Variants in SLC13A1 observed in about 807,000 individuals in gnomAD.
The protein encoded by SLC13A1 is solute carrier family 13 member 1, also known as Na(+)/sulfate cotransporter.
SLC13A1 carries 65 observed loss-of-function variants against 70.0 expected under a neutral mutation model. The ratio of observed to expected loss-of-function variants is 0.93; its 90% CI spans 0.76 to 1.14. The LOEUF (loss-of-function observed/expected upper bound fraction) is 1.14, where lower values mean the gene tolerates loss of function less well. Among genes scored for constraint, SLC13A1 ranks in the 50% most tolerant of loss-of-function variants. The pLI is 0.00. For missense variants in SLC13A1, 726 were observed against 717.8 expected (o/e 1.01, Z -0.13); for synonymous variants, 275 against 250.5 (o/e 1.10, Z -0.92).
chr7:123,151,071 C>T (rs1294625019), intron 6 of SLC13A1, among the ~76,000 whole-genome samples: 1 of 152,060 alleles, frequency 6.6e-6, no homozygotes, highest in Non-Finnish European at 1.5e-5. Flanking sequence ...TTCCTGGAAT[C>T]TCAGCACTTT....
intron 6 of SLC13A1, among the ~76,000 whole-genome samples, chr7:123,150,055 T>C (rs10258700): frequency 0.22 from 34,197 of 152,136 alleles, 4,657 homozygotes; most frequent in East Asian, 0.35. Context: ...AAAAATTACA[T>C]GCACAGTAGA....
chr7:123,177,540 C>T (rs1384613788), intron 2 of SLC13A1, among the ~76,000 whole-genome samples: 1 of 152,114 alleles, frequency 6.6e-6, no homozygotes, highest in Non-Finnish European at 1.5e-5. Context: ...TCCATTGCCT[C>T]ATTACATTAT....
At position 123,191,211 on chromosome 7, in the gene SLC13A1, G is replaced by A. The variant is rs73217789; in HGVS notation, c.99+8637C>T. 8.8e-3 allele frequency among the ~76,000 whole-genome samples: 1,334 copies of A among 152,244 alleles called. 5 individuals carry two copies. The highest frequency in any genetic ancestry group is 0.012 in the Admixed American group (180 of 15,300). ...TTCTTGCCAGCATAACATGGATCCA[G>A]TCATCTAGCTGAGTTGGGTAGTATG... On this transcript the variant is annotated intron_variant, in intron 1 of 14. Coordinates refer to ENST00000194130, the MANE Select transcript of SLC13A1 (RefSeq NM_022444.4).
At chr7:123,142,201 G>T (rs1165347045) in intron 7 of SLC13A1, among the ~76,000 whole-genome samples, 1 of 152,056 alleles carries the variant, frequency 6.6e-6, no homozygotes, top group Non-Finnish European at 1.5e-5. Flanking sequence ...GGCAGTGAAA[G>T]CTCACCCCGT....
intron 2 of SLC13A1, among the ~76,000 whole-genome samples, chr7:123,175,219 A>T (rs1244490077): frequency 6.6e-6 from 1 of 152,174 alleles, no homozygotes; most frequent in African/African-American, 2.4e-5. Context: ...GCAATAAAGT[A>T]TTATAGATGC....
At chr7:123,174,345 C>A (rs1795377702) in intron 2 of SLC13A1, among the ~76,000 whole-genome samples, 1 of 152,128 alleles carries the variant, frequency 6.6e-6, no homozygotes, top group South Asian at 2.1e-4. Flanking sequence ...AATGACACTT[C>A]TCATTTTCTC....
intron 1 of SLC13A1, among the ~76,000 whole-genome samples, chr7:123,189,284 A>C (rs1331783535): frequency 6.6e-6 from 1 of 151,756 alleles, no homozygotes; most frequent in African/African-American, 2.4e-5. Context: ...AAATTGAATG[A>C]GCTCATTTTT....
In SLC13A1 at chr7:123,196,943, A is replaced by T. The variant is rs17145527; in HGVS notation, c.99+2905T>A. Reference sequence around the variant, plus strand: ...TAGAGCATGTAGATGGCCTTTGGTGAGTTACATGTCTCTGAGCATCAATTC... The same window carrying T: ...TAGAGCATGTAGATGGCCTTTGGTGTGTTACATGTCTCTGAGCATCAATTC... On this transcript the variant is annotated intron_variant, in intron 1 of 14. Transcript: ENST00000194130. Among the ~76,000 whole-genome samples the T allele has an allele frequency of 7.1e-3, 1,082 of 152,262 alleles. 14 individuals are homozygous for T. Among genetic ancestry groups the T allele is most frequent in the African/African-American group, 0.024 (1,017 of 41,570 alleles).
chr7:123,194,052 G>A (rs924919700), intron 1 of SLC13A1, among the ~76,000 whole-genome samples: 7 of 152,126 alleles, frequency 4.6e-5, no homozygotes, highest in African/African-American at 1.7e-4. Context: ...CTATGTGACA[G>A]GCACTGGGTT....
chr7:123,184,847 A>C (rs781248673), intron 1 of SLC13A1, among the ~76,000 whole-genome samples: 11 of 152,026 alleles, frequency 7.2e-5, no homozygotes, highest in African/African-American at 1.2e-4. Context: ...CAGTAATGAC[A>C]TTGCTGGATC....
intron 1 of SLC13A1, among the ~76,000 whole-genome samples, chr7:123,190,241 C>T (rs1795950710): frequency 6.6e-6 from 1 of 152,108 alleles, no homozygotes; most frequent in Non-Finnish European, 1.5e-5. Flanking sequence ...AGGCATCTTG[C>T]TGATACTACA....
rs111391524 is a variant in SLC13A1, at chr7:123,117,804, A to T, written c.1513-196T>A. 3.3e-3 allele frequency among the ~76,000 whole-genome samples: 506 copies of T among 152,140 alleles called. 1 individual carries two copies. Among genetic ancestry groups the T allele is most frequent in the African/African-American group, 0.012 (478 of 41,536 alleles). ...ATCCTCTTGTTGTTGATACAGTTAC[A>T]GATGCCCACTTAAACATTACAGTCC... is the stretch of plus-strand genomic sequence containing the variant. On this transcript the variant is annotated intron_variant, in intron 13 of 14. Transcript: ENST00000194130.
chr7:123,186,755 A>T (rs1795815179), intron 1 of SLC13A1: 1 of 455,932 alleles, frequency 2.2e-6, no homozygotes, highest in Non-Finnish European at 4.4e-6. Flanking sequence ...TTACTCTGCA[A>T]CCGTAACAAG....
At chr7:123,176,370 T>C (rs897355412) in intron 2 of SLC13A1, among the ~76,000 whole-genome samples, 2 of 152,164 alleles carry the variant, frequency 1.3e-5, no homozygotes, top group African/African-American at 4.8e-5. Flanking sequence ...AATATAACTA[T>C]TCTCAAGGCA....
At chr7:123,164,453 A>G (rs1159411053) in intron 6 of SLC13A1, among the ~76,000 whole-genome samples, 1 of 151,862 alleles carries the variant, frequency 6.6e-6, no homozygotes, top group Non-Finnish European at 1.5e-5. Context: ...TAAAATCTTT[A>G]GTTTTGTACT....
At chr7:123,174,586 G>C (rs992058202) in intron 2 of SLC13A1, among the ~76,000 whole-genome samples, 1 of 151,926 alleles carries the variant, frequency 6.6e-6, no homozygotes, top group Non-Finnish European at 1.5e-5. Flanking sequence ...CTGTATGATC[G>C]ATCTTTTTCT....
At chr7:123,171,582 G>GC (rs1554552107) in intron 3 of SLC13A1, among the ~76,000 whole-genome samples, 186 bp downstream of exon 3, 1 of 150,816 alleles carries the variant, frequency 6.6e-6, no homozygotes, top group Non-Finnish European at 1.5e-5. Context: ...AGTGAAAGTT[G>GC]TTTTTTTTTC....
At chr7:123,169,638 A>G (rs756640092) in intron 3 of SLC13A1, among the ~76,000 whole-genome samples, 1 of 140,048 alleles carries the variant, frequency 7.1e-6, no homozygotes, top group Admixed American at 7.0e-5. Flanking sequence ...GTTATATGAC[A>G]TAACAGCTTA....
At position 123,180,635 on chromosome 7, in the gene SLC13A1, C is replaced by T. The variant is rs1441326129; in HGVS notation, c.228+338G>A. Reference sequence around the variant, plus strand: ...AAAAACAAAATTGTTTTTCCAACACCGTGAGGCTGAATTCTGCTGAATATA... The same window carrying T: ...AAAAACAAAATTGTTTTTCCAACACTGTGAGGCTGAATTCTGCTGAATATA... On this transcript the variant is annotated intron_variant, in intron 2 of 14. Coordinates refer to ENST00000194130, the MANE Select transcript of SLC13A1 (RefSeq NM_022444.4). Among the ~76,000 whole-genome samples, 5 of 152,014 alleles carry T rather than the reference C, an allele frequency of 3.3e-5. No individual in the cohort carries two copies. The South Asian group carries it at 1.0e-3, about 32-fold the overall frequency.
Sources: gnomAD v4.1 joint callset for allele counts (sites outside exome capture counted in the v4.1 genomes callset) on GRCh38, gnomAD v4.1.1 for gene constraint, MANE v1.5 for transcripts, NCBI Gene and HGNC (gene_info 2026-07-23, HGNC 2026-07-21) for gene names.